Variants in DRC8 observed in about 807,000 individuals in gnomAD.
DRC8 encodes the protein dynein regulatory complex protein 8.
chr1:245,091,232 A>T, the DRC8 span: 1 of 152,460 alleles, frequency 6.6e-6, no homozygotes, highest in Non-Finnish European at 1.5e-5. Flanking sequence ...TGCAGCGGGG[A>T]AGGAGGATGG....
chr1:245,074,614 C>A, the DRC8 span, among the ~76,000 whole-genome samples: 1 of 152,196 alleles, frequency 6.6e-6, no homozygotes, highest in Non-Finnish European at 1.5e-5. Flanking sequence ...TCTGGTGATT[C>A]ATCTGTTTTT....
At chr1:245,054,622 G>A in the DRC8 span, among the ~76,000 whole-genome samples, 10 of 151,960 alleles carry the variant, frequency 6.6e-5, no homozygotes, top group African/African-American at 2.2e-4. Flanking sequence ...TCTCATGCGG[G>A]TTCCTCTTTC....
the DRC8 span, chr1:245,043,820 C>T: frequency 6.6e-6 from 1 of 152,162 alleles, no homozygotes; most frequent in Non-Finnish European, 1.5e-5. Flanking sequence ...CTTATCCCAG[C>T]TCACAAGAGC....
chr1:245,052,389 T>C, the DRC8 span, among the ~76,000 whole-genome samples: 1 of 152,156 alleles, frequency 6.6e-6, no homozygotes, highest in Non-Finnish European at 1.5e-5. Context: ...TTTGAGTGGC[T>C]GAGTGTAGAG....
At chr1:245,073,030 C>T in the DRC8 span, among the ~76,000 whole-genome samples, 1 of 152,198 alleles carries the variant, frequency 6.6e-6, no homozygotes, top group Non-Finnish European at 1.5e-5. Flanking sequence ...TACCCAGTCT[C>T]AAGTGTTTAT....
chr1:245,012,810 T>A, the DRC8 span, among the ~76,000 whole-genome samples: 1 of 152,232 alleles, frequency 6.6e-6, no homozygotes, highest in Non-Finnish European at 1.5e-5. Context: ...CAATGGTATT[T>A]CATTTGGAAT....
chr1:244,988,473 G>A, the DRC8 span, among the ~76,000 whole-genome samples: 2 of 152,046 alleles, frequency 1.3e-5, no homozygotes, highest in African/African-American at 4.8e-5. Context: ...ATTTTTAAAG[G>A]AGCATGAAAT....
At chr1:245,026,268 C>T in the DRC8 span, among the ~76,000 whole-genome samples, 2 of 152,106 alleles carry the variant, frequency 1.3e-5, no homozygotes, top group Non-Finnish European at 2.9e-5. Flanking sequence ...TTGGCAGGAA[C>T]CTTGAGTGTA....
the DRC8 span, chr1:245,086,801 C>G: frequency 5.6e-6 from 3 of 533,604 alleles, no homozygotes. Context: ...GTGACTTGCT[C>G]AAGATCTCAG....
At chr1:245,058,035 C>T in the DRC8 span, among the ~76,000 whole-genome samples, 4 of 152,018 alleles carry the variant, frequency 2.6e-5, no homozygotes, top group Non-Finnish European at 4.4e-5. Flanking sequence ...TGAGAATGTG[C>T]GATTTGTGTT....
At chr1:245,079,283 A>G in the DRC8 span, among the ~76,000 whole-genome samples, 1 of 152,166 alleles carries the variant, frequency 6.6e-6, no homozygotes, top group Admixed American at 6.6e-5. Flanking sequence ...GATGGTCATA[A>G]TCATTTTTCT....
At chr1:245,019,897 G>A in the DRC8 span, among the ~76,000 whole-genome samples, 1 of 152,324 alleles carries the variant, frequency 6.6e-6, no homozygotes, top group African/African-American at 2.4e-5. Flanking sequence ...CCCAGGAGGT[G>A]GAGATTGCAG....
the DRC8 span, among the ~76,000 whole-genome samples, chr1:245,090,039 C>A: frequency 6.6e-6 from 1 of 152,098 alleles, no homozygotes; most frequent in Admixed American, 6.5e-5. Flanking sequence ...TCAAGAAACC[C>A]TGGAAGATTT....
At chr1:245,054,737 C>T in the DRC8 span, among the ~76,000 whole-genome samples, 7 of 152,188 alleles carry the variant, frequency 4.6e-5, no homozygotes, top group African/African-American at 7.2e-5. Context: ...GCTTCATGAC[C>T]GGATCCACGT....
chr1:244,986,998 G>A, the DRC8 span, among the ~76,000 whole-genome samples: 2 of 152,130 alleles, frequency 1.3e-5, no homozygotes, highest in South Asian at 2.1e-4. Flanking sequence ...TCAAGTCTGA[G>A]GTGGGTGCCA....
chr1:244,991,871 A>T, the DRC8 span, among the ~76,000 whole-genome samples: 1 of 152,188 alleles, frequency 6.6e-6, no homozygotes, highest in East Asian at 1.9e-4. Context: ...TCTGGTTTTC[A>T]TAGTGTAGAA....
chr1:245,084,096 G>C, the DRC8 span, among the ~76,000 whole-genome samples: 3 of 15,248 alleles, frequency 2.0e-4, no homozygotes, highest in Non-Finnish European at 3.4e-4. Flanking sequence ...TTTTTTTTTT[G>C]AGACGGATCC....
chr1:245,043,577 G>T, the DRC8 span, among the ~76,000 whole-genome samples: 13 of 151,990 alleles, frequency 8.6e-5, no homozygotes, highest in South Asian at 2.7e-3. Flanking sequence ...CCATGAAATC[G>T]ATTTAAAAGG....
chr1:245,101,724 A>G, the DRC8 span, among the ~76,000 whole-genome samples: 1 of 152,158 alleles, frequency 6.6e-6, no homozygotes, highest in African/African-American at 2.4e-5. Context: ...TTCAGGGTAC[A>G]TGTGATAATT....
Sources: allele counts gnomAD v4.1 joint callset (sites outside exome capture counted in the v4.1 genomes callset), GRCh38; gene constraint gnomAD v4.1.1; transcripts MANE v1.5; gene names NCBI Gene and HGNC (gene_info 2026-07-23, HGNC 2026-07-21).